Variants in SNAPC1 observed in about 807,000 individuals in gnomAD.
SNAPC1 encodes snRNA-activating protein complex subunit 1.
In SNAPC1, 42 loss-of-function variants were observed where a neutral mutation model predicts 50.1. The observed-to-expected ratio is 0.84, with a 90% confidence interval of 0.65 to 1.08. The LOEUF (loss-of-function observed/expected upper bound fraction) is 1.08, where lower values mean the gene tolerates loss of function less well. Ranked by LOEUF, SNAPC1 falls within the 50% of genes least tolerant of loss-of-function variation. The pLI is 0.00. For missense variants in SNAPC1, 477 were observed against 427.3 expected (o/e 1.12, Z -1.02); for synonymous variants, 164 against 144.2 (o/e 1.14, Z -0.98).
chr14:61,767,469 C>CT (rs372976345), intron 3 of SNAPC1, 117 bp downstream of exon 3: 13,653 of 449,680 alleles, frequency 0.03, 14 homozygotes, highest in Middle Eastern at 0.034. Flanking sequence ...AGACTTTTAG[C>CT]TTTTTTTTTT....
intron 7 of SNAPC1, among the ~76,000 whole-genome samples, chr14:61,779,487 T>C (rs1419786412): frequency 2.0e-5 from 3 of 152,024 alleles, no homozygotes; most frequent in Non-Finnish European, 4.4e-5. Context: ...TTCTGAACCA[T>C]TATATTGATT....
intron 1 of SNAPC1, among the ~76,000 whole-genome samples, chr14:61,763,851 A>G (rs957578408): frequency 6.6e-6 from 1 of 152,210 alleles, no homozygotes; most frequent in Non-Finnish European, 1.5e-5. Context: ...AAATAGAGGC[A>G]ATGATAAACC....
chr14:61,765,009 G>A (rs983690809), intron 1 of SNAPC1, among the ~76,000 whole-genome samples: 3 of 152,060 alleles, frequency 2.0e-5, no homozygotes, highest in African/African-American at 4.8e-5. Context: ...TTTGTATAGC[G>A]TATTAGTCAC....
chr14:61,775,978 C>G, intron 4 of SNAPC1, 117 bp from the exon 5 acceptor site: 1 of 657,766 alleles, frequency 1.5e-6, no homozygotes, highest in Non-Finnish European at 2.6e-6. Context: ...TATACTATAG[C>G]ATGTTATTAC....
At chr14:61,776,410 T>A (rs1197747305) in intron 5 of SNAPC1, 157 bp downstream of exon 5, 4 of 643,546 alleles carry the variant, frequency 6.2e-6, no homozygotes, top group African/African-American at 3.7e-5. Context: ...TTGCCACTTA[T>A]TAGGTATGTG....
Position 61,795,595 on chromosome 14 carries a change from G to C in SNAPC1, c.*612G>C, listed in dbSNP as rs942809089. On this transcript the variant is annotated 3_prime_UTR_variant, in exon 10 of 10. Transcript: ENST00000216294. Reference sequence around the variant, plus strand: ...TTTATTATTACTAAATACTAATTAAGTACTAACAAGTACTTAAATACTAAT... The same window carrying C: ...TTTATTATTACTAAATACTAATTAACTACTAACAAGTACTTAAATACTAAT... 1 of 151,668 alleles carries C rather than the reference G, an allele frequency of 6.6e-6. No homozygotes were observed. The highest frequency in any genetic ancestry group is 2.4e-5 in the African/African-American group (1 of 41,228). 9.4% of individuals were successfully genotyped at this position (151,668 alleles called of 1,614,324 possible).
intron 8 of SNAPC1, among the ~76,000 whole-genome samples, chr14:61,783,763 C>T (rs1447047768): frequency 2.0e-5 from 3 of 152,208 alleles, no homozygotes; most frequent in African/African-American, 7.2e-5. Flanking sequence ...TGGTCTTGAA[C>T]TCCTGACTTC....
At chr14:61,787,385 A>G (rs1283237597) in intron 8 of SNAPC1, among the ~76,000 whole-genome samples, 1 of 111,380 alleles carries the variant, frequency 9.0e-6, no homozygotes, top group Non-Finnish European at 1.8e-5. Flanking sequence ...AACTTCTGGT[A>G]GATTAAAATG....
chr14:61,765,565 T>TG (rs1057382564), intron 1 of SNAPC1, among the ~76,000 whole-genome samples: 45 of 152,242 alleles, frequency 3.0e-4, no homozygotes, highest in African/African-American at 1.1e-3. Flanking sequence ...CACAAATGCT[T>TG]GCGTTCTTTT....
At chr14:61,765,096 G>C (rs1040673755) in intron 1 of SNAPC1, among the ~76,000 whole-genome samples, 1 of 151,988 alleles carries the variant, frequency 6.6e-6, no homozygotes, top group Non-Finnish European at 1.5e-5. Context: ...ACTAATTTCA[G>C]GTCTTACATA....
At chr14:61,782,131 G>C in intron 7 of SNAPC1, 116 bp from the exon 8 acceptor site, 1 of 794,754 alleles carries the variant, frequency 1.3e-6, no homozygotes, top group Non-Finnish European at 1.9e-6. Context: ...AGTACTTTAT[G>C]ACAGATATTT....
At chr14:61,788,696 A>T (rs2045131692) in intron 8 of SNAPC1, among the ~76,000 whole-genome samples, 1 of 152,224 alleles carries the variant, frequency 6.6e-6, no homozygotes, top group Non-Finnish European at 1.5e-5. Context: ...GAGGAAATAA[A>T]ATCTCAGTTT....
chr14:61,782,236 TA>T lies in SNAPC1; in HGVS notation c.826-9del. ...TATAATTTATTGGTTAATTGGATTG[TA>T]ACTCTTAAGGCATCCAAATCAAGAA... On this transcript the variant is annotated splice_polypyrimidine_tract_variant and intron_variant, in intron 7 of 9. Transcript: ENST00000216294. The T allele has an allele frequency of 6.5e-7, 1 of 1,549,714 alleles. No homozygotes were observed. The highest frequency in any genetic ancestry group is 8.7e-7 in the Non-Finnish European group (1 of 1,150,630).
intron 4 of SNAPC1, among the ~76,000 whole-genome samples, chr14:61,774,647 C>CTTT (rs770510028): frequency 3.4e-5 from 3 of 87,782 alleles, no homozygotes; most frequent in Non-Finnish European, 6.8e-5. Context: ...ATCAGTTTCT[C>CTTT]ATTTTTTTTT....
intron 1 of SNAPC1, among the ~76,000 whole-genome samples, chr14:61,765,992 C>A (rs907911341): frequency 6.6e-6 from 1 of 152,096 alleles, no homozygotes; most frequent in African/African-American, 2.4e-5. Context: ...AGAAAATGTT[C>A]GTTAGGTAAA....
chr14:61,779,994 C>G (rs1244726384), intron 7 of SNAPC1, among the ~76,000 whole-genome samples: 1 of 152,184 alleles, frequency 6.6e-6, no homozygotes, highest in Non-Finnish European at 1.5e-5. Context: ...CAGGTGTGAG[C>G]CAGTGCACCT....
chr14:61,796,385 CAG>C lies in SNAPC1; in HGVS notation c.*1404_*1405del, dbSNP rs2045190721. On this transcript the variant is annotated 3_prime_UTR_variant, in exon 10 of 10. Coordinates refer to ENST00000216294, the MANE Select transcript of SNAPC1 (RefSeq NM_003082.4). ...ATCTCTATATCTAATCTTTAAAAAT[CAG>C]AATGCTAATGCTGACGCAAATAAAA... 1 of 151,986 alleles carries C rather than the reference CAG, an allele frequency of 6.6e-6. No individual in the cohort carries two copies. The highest frequency in any genetic ancestry group is 1.9e-4 in the East Asian group (1 of 5,184). The allele number at this position is 151,986 out of a possible 1,614,324, so 9.4% of individuals were successfully genotyped here.
At chr14:61,785,541 A>G (rs1393462124) in intron 8 of SNAPC1, among the ~76,000 whole-genome samples, 1 of 152,216 alleles carries the variant, frequency 6.6e-6, no homozygotes, top group Non-Finnish European at 1.5e-5. Context: ...GCCTGGGTTA[A>G]GGATGTGCCT....
chr14:61,770,234 CTTTTT>C (rs72091048), intron 4 of SNAPC1, among the ~76,000 whole-genome samples: 1 of 133,960 alleles, frequency 7.5e-6, no homozygotes, highest in Non-Finnish European at 1.6e-5. Context: ...CCCCCATGTT[CTTTTT>C]TTTTTTTTTT....
Sources: allele counts gnomAD v4.1 joint callset (sites outside exome capture counted in the v4.1 genomes callset), GRCh38; gene constraint gnomAD v4.1.1; transcripts MANE v1.5; gene names NCBI Gene and HGNC (gene_info 2026-07-23, HGNC 2026-07-21).